Variants in ZNF407 observed in about 807,000 individuals in gnomAD.
ZNF407 encodes the protein zinc finger protein 407.
A neutral mutation model predicts 131.2 loss-of-function variants in ZNF407; 17 were observed. The observed-to-expected ratio is 0.13, with a 90% confidence interval of 0.09 to 0.19. ZNF407 has a LOEUF of 0.19. ZNF407 is among the 10% of genes least tolerant of loss of function. The probability of loss-of-function intolerance (pLI) is 1.00; values close to 1 mark genes in which losing one functional copy is unlikely to be tolerated. For synonymous variants in ZNF407, 1,156 were observed against 1,062.0 expected (o/e 1.09, Z -1.72); for missense variants, 2,681 against 2,830.6 (o/e 0.95, Z 1.20).
intron 3 of ZNF407, among the ~76,000 whole-genome samples, chr18:74,758,094 CT>C (rs1969006109): frequency 2.6e-5 from 4 of 152,048 alleles, no homozygotes; most frequent in African/African-American, 7.2e-5. Context: ...CCAGTCATTA[CT>C]TTTTGCTTGA....
chr18:74,663,842 T>C (rs762649771), intron 3 of ZNF407, among the ~76,000 whole-genome samples: 1 of 152,134 alleles, frequency 6.6e-6, no homozygotes, highest in Non-Finnish European at 1.5e-5. Flanking sequence ...TTTGAGACTT[T>C]AAAGGCCTGT....
At chr18:74,676,572 G>A (rs896593405) in intron 3 of ZNF407, among the ~76,000 whole-genome samples, 15 of 151,504 alleles carry the variant, frequency 9.9e-5, no homozygotes, top group South Asian at 4.2e-4. Flanking sequence ...GAGTAGCTGG[G>A]ACTACAGGCG....
chr18:75,000,797 G>A (rs1257770972), intron 8 of ZNF407, among the ~76,000 whole-genome samples: 1 of 152,090 alleles, frequency 6.6e-6, no homozygotes, highest in Admixed American at 6.5e-5. Context: ...TAAGAGCATT[G>A]TGGAATATAA....
intron 3 of ZNF407, among the ~76,000 whole-genome samples, chr18:74,713,358 CTTTTT>C (rs5826345): frequency 5.7e-4 from 48 of 84,452 alleles, no homozygotes; most frequent in African/African-American, 1.4e-3. Flanking sequence ...ATTTTAGCAT[CTTTTT>C]TTTTTTTTTT....
intron 1 of ZNF407, among the ~76,000 whole-genome samples, chr18:74,624,576 A>G (rs531753333): frequency 1.3e-5 from 2 of 152,286 alleles, no homozygotes; most frequent in African/African-American, 4.8e-5. Flanking sequence ...TGAAAAGTTA[A>G]TCTTCCTAAA....
chr18:74,726,548 GT>G (rs1968163317), intron 3 of ZNF407, among the ~76,000 whole-genome samples: 1 of 152,180 alleles, frequency 6.6e-6, no homozygotes. Flanking sequence ...ATGTATATAT[GT>G]ATTAACCTCA....
At chr18:74,844,868 C>T (rs189504786) in intron 4 of ZNF407, among the ~76,000 whole-genome samples, 124 of 152,238 alleles carry the variant, frequency 8.1e-4, no homozygotes, top group African/African-American at 2.6e-3. Flanking sequence ...ATCCTTGATG[C>T]GTCTGCCCTA....
intron 4 of ZNF407, among the ~76,000 whole-genome samples, chr18:74,844,480 A>C (rs1230438583): frequency 1.3e-5 from 2 of 152,190 alleles, no homozygotes; most frequent in African/African-American, 4.8e-5. Flanking sequence ...AGTTTGAATG[A>C]TATATTTAAT....
intron 8 of ZNF407, among the ~76,000 whole-genome samples, chr18:74,926,770 C>T (rs1422188752): frequency 1.3e-5 from 2 of 152,160 alleles, no homozygotes; most frequent in Admixed American, 6.5e-5. Flanking sequence ...CCATTGCACT[C>T]CTGCCTGGGC....
At chr18:74,929,465 G>A (rs902805930) in intron 8 of ZNF407, among the ~76,000 whole-genome samples, 1 of 152,110 alleles carries the variant, frequency 6.6e-6, no homozygotes. Context: ...AATTTTAAGG[G>A]AAAAAATTGA....
At chr18:74,763,733 G>T in intron 3 of ZNF407, among the ~76,000 whole-genome samples, 1 of 138,458 alleles carries the variant, frequency 7.2e-6, no homozygotes, top group Non-Finnish European at 1.5e-5. Flanking sequence ...TTTTTGAGAC[G>T]GAGTCTCGCT....
intron 8 of ZNF407, among the ~76,000 whole-genome samples, chr18:74,956,944 G>T (rs1195816310): frequency 2.6e-5 from 4 of 152,146 alleles, no homozygotes; most frequent in African/African-American, 9.7e-5. Flanking sequence ...GAGAAATATT[G>T]TCAAGCAGAC....
chr18:74,864,493 A>G (rs764233950), intron 4 of ZNF407, among the ~76,000 whole-genome samples: 124 of 152,268 alleles, frequency 8.1e-4, no homozygotes, highest in Non-Finnish European at 1.4e-3. Flanking sequence ...CCAGTTTTGA[A>G]TATGTCATTG....
chr18:74,760,356 C>G (rs1969067078), intron 3 of ZNF407, among the ~76,000 whole-genome samples: 1 of 152,130 alleles, frequency 6.6e-6, no homozygotes, highest in South Asian at 2.1e-4. Context: ...AAGATTATTA[C>G]CTTTTCAGAT....
intron 8 of ZNF407, among the ~76,000 whole-genome samples, chr18:74,999,267 G>A (rs4458093): frequency 0.15 from 15,183 of 99,094 alleles, 1,451 homozygotes; most frequent in Middle Eastern, 0.27. Context: ...ATTAGTGGGT[G>A]CAGCGCACCA....
At chr18:74,800,700 C>G (rs1246140048) in intron 4 of ZNF407, among the ~76,000 whole-genome samples, 1 of 152,100 alleles carries the variant, frequency 6.6e-6, no homozygotes, top group African/African-American at 2.4e-5. Context: ...TATATAAACT[C>G]AGTTTGTTTT....
At chr18:74,774,791 A>G (rs1969433782) in intron 3 of ZNF407, among the ~76,000 whole-genome samples, 1 of 152,222 alleles carries the variant, frequency 6.6e-6, no homozygotes, top group African/African-American at 2.4e-5. Flanking sequence ...CTTGAGTGTG[A>G]TCTTGATCCA....
At chr18:75,044,662 G>A (rs946125193) in intron 8 of ZNF407, among the ~76,000 whole-genome samples, 2 of 151,966 alleles carry the variant, frequency 1.3e-5, no homozygotes, top group African/African-American at 2.4e-5. Context: ...GTGATCATGA[G>A]GTTTCCATTG....
intron 3 of ZNF407, among the ~76,000 whole-genome samples, chr18:74,776,623 TGAA>T (rs1969477443): frequency 6.6e-6 from 1 of 152,170 alleles, no homozygotes. Flanking sequence ...GTTGTCATCC[TGAA>T]GAACAGTCAT....
Sources: gnomAD v4.1 joint callset for allele counts (sites outside exome capture counted in the v4.1 genomes callset) on GRCh38, gnomAD v4.1.1 for gene constraint, MANE v1.5 for transcripts, NCBI Gene and HGNC (gene_info 2026-07-23, HGNC 2026-07-21) for gene names.